Variants in DOK7 observed in about 807,000 individuals in gnomAD.
DOK7 encodes the protein protein Dok-7.
DOK7 carries 32 observed loss-of-function variants against 30.7 expected under a neutral mutation model. The ratio of observed to expected loss-of-function variants is 1.04; its 90% CI spans 0.79 to 1.40. The LOEUF is 1.40. Ranked by LOEUF, DOK7 falls within the 40% of genes most tolerant of loss-of-function variation. DOK7 has a pLI of 0.00. For synonymous variants in DOK7, 447 were observed against 324.1 expected, an observed-to-expected ratio of 1.38 and a Z score of -4.07; for missense variants, 1,007 against 699.2, an observed-to-expected ratio of 1.44 and a Z score of -4.97.
At chr4:3,486,505 A>G (rs944743459) in intron 5 of DOK7, among the ~76,000 whole-genome samples, 1 of 152,134 alleles carries the variant, frequency 6.6e-6, no homozygotes, top group Non-Finnish European at 1.5e-5. Context: ...GGCGAGCAGC[A>G]TGTGGGGTGG....
intron 2 of DOK7, among the ~76,000 whole-genome samples, chr4:3,465,548 G>C (rs1341060247): frequency 6.6e-6 from 1 of 152,234 alleles, no homozygotes; most frequent in African/African-American, 2.4e-5. Flanking sequence ...CTTCTGGGAA[G>C]GGCCCCGATG....
At chr4:3,476,685 C>G in intron 4 of DOK7, 143 bp downstream of exon 4, 1 of 1,095,294 alleles carries the variant, frequency 9.1e-7, no homozygotes, top group South Asian at 1.3e-5. Context: ...ACGGAGTCTC[C>G]CCACGCTCGA....
intron 4 of DOK7, among the ~76,000 whole-genome samples, chr4:3,477,504 C>T (rs1296969100): frequency 6.6e-6 from 1 of 152,276 alleles, no homozygotes; most frequent in Non-Finnish European, 1.5e-5. Context: ...GCAAGCCCAT[C>T]TGGGTGCCAC....
downstream of DOK7, among the ~76,000 whole-genome samples, chr4:3,497,461 G>C (rs911619104): frequency 1.3e-5 from 2 of 152,132 alleles, no homozygotes; most frequent in African/African-American, 4.8e-5. Context: ...GGTCTCCCTA[G>C]AGAAGCCTGG....
chr4:3,489,946 A>G (rs994035552), intron 6 of DOK7, 150 bp downstream of exon 6: 40 of 1,207,362 alleles, frequency 3.3e-5, no homozygotes, highest in Non-Finnish European at 4.3e-5. Flanking sequence ...TCTTCCCCCA[A>G]CTCCCCGCCC....
downstream of DOK7, among the ~76,000 whole-genome samples, chr4:3,495,147 C>T (rs1022663282): frequency 6.6e-6 from 1 of 152,200 alleles, no homozygotes; most frequent in East Asian, 1.9e-4. Flanking sequence ...AACGGGATGA[C>T]AGACCCCGCC....
rs1452677992 is a variant in DOK7 at position 3,493,391 on chromosome 4, C to A, written c.1405C>A (p.Pro469Thr). 2 of 1,595,172 alleles carry A rather than the reference C, an allele frequency of 1.3e-6. No homozygotes were observed. Among genetic ancestry groups the A allele is most frequent in the Non-Finnish European group, 8.5e-7 (1 of 1,171,384 alleles). The part of the protein sequence containing the change: ...PQGSEATLPG[P>T]APGEPWEAGG... ...GGGCAGCGAGGCCACACTGCCTGGC[C>A]CTGCCCCTGGCGAGCCCTGGGAAGC... is the stretch of plus-strand genomic sequence containing the variant. The change falls in exon 7 of 7, where the codon CCT becomes ACT. Residue 469 changes from proline (P) to threonine (T), a missense_variant. Physicochemically the swap from Pro to Thr is conservative, Grantham distance 38. Transcript: ENST00000340083.
Position 3,494,472 on chromosome 4 carries a change from T to C in DOK7, c.*971T>C. Reference sequence around the variant, plus strand: ...TTTGTAATAGACTGGAAATAAAATGTTCTTTCCTTACCACCTTGTCCTAGT... The same window carrying C: ...TTTGTAATAGACTGGAAATAAAATGCTCTTTCCTTACCACCTTGTCCTAGT... On this transcript the variant is annotated 3_prime_UTR_variant, in exon 7 of 7. Coordinates refer to ENST00000340083, the MANE Select transcript of DOK7 (RefSeq NM_173660.5). The C allele has an allele frequency of 4.1e-6, 4 of 985,482 alleles. No homozygotes were observed. Among genetic ancestry groups the C allele is most frequent in the Non-Finnish European group, 3.6e-6 (3 of 829,912 alleles). The allele number at this position is 985,482 out of a possible 1,614,324, so 61.0% of individuals were successfully genotyped here.
chr4:3,468,442 G>A (rs1174991717), intron 2 of DOK7, among the ~76,000 whole-genome samples: 3 of 135,810 alleles, frequency 2.2e-5, no homozygotes, highest in Admixed American at 7.2e-5. Context: ...GTACATGTAC[G>A]AGTGTGTGCC....
At chr4:3,489,845 G>C (rs764724420) in intron 6 of DOK7, 49 bp downstream of exon 6, 49 of 1,553,496 alleles carry the variant, frequency 3.2e-5, no homozygotes, top group Non-Finnish European at 4.2e-5. Flanking sequence ...TAAGCCTCCA[G>C]CAGGAGAGCT....
chr4:3,482,578 GC>G (rs538729343), intron 4 of DOK7, among the ~76,000 whole-genome samples: 1 of 152,276 alleles, frequency 6.6e-6, no homozygotes, highest in Non-Finnish European at 1.5e-5. Flanking sequence ...GAGTGGACCA[GC>G]CTCTGGAGAA....
chr4:3,480,926 A>T (rs1180036763), intron 4 of DOK7, among the ~76,000 whole-genome samples: 1 of 152,164 alleles, frequency 6.6e-6, no homozygotes, highest in Non-Finnish European at 1.5e-5. Flanking sequence ...GGCTGGGGGC[A>T]CTGCGGGGAA....
chr4:3,492,732 C>T (rs1460439598), intron 6 of DOK7, 27 bp from the exon 7 acceptor site: 3 of 1,611,000 alleles, frequency 1.9e-6, no homozygotes, highest in African/African-American at 2.7e-5. Context: ...ACCCCCACAA[C>T]TGCCTTGGCT....
At chr4:3,475,391 T>G (rs1577151019) in intron 3 of DOK7, among the ~76,000 whole-genome samples, 1 of 150,024 alleles carries the variant, frequency 6.7e-6, no homozygotes, top group African/African-American at 2.5e-5. Flanking sequence ...AAGGGGGAGG[T>G]GGGATGGGAA....
At chr4:3,489,235 G>A (rs920878499) in intron 5 of DOK7, among the ~76,000 whole-genome samples, 9 of 152,132 alleles carry the variant, frequency 5.9e-5, no homozygotes, top group African/African-American at 1.9e-4. Flanking sequence ...CAAGGTGGGC[G>A]GGCATTTCCC....
exon 7 of DOK7, chr4:3,500,385 G>A: frequency 2.0e-6 from 3 of 1,535,926 alleles, no homozygotes; most frequent in Non-Finnish European, 2.6e-6. Context: ...GCTCCAGGAG[G>A]CCAGCGAGGG....
In DOK7 at chr4:3,476,434, A is replaced by T. The variant is rs1727092757; in HGVS notation, c.424A>T (p.Arg142Trp). The change falls in exon 4 of 7, where the codon AGG becomes TGG. Residue 142 changes from arginine to tryptophan, a missense_variant. Coordinates refer to ENST00000340083, the MANE Select transcript of DOK7 (RefSeq NM_173660.5). The stretch of plus-strand genomic sequence containing the variant: ...CTGCAATGATGTCCTCGTCTTGGCC[A>T]GGGACATCCCCCCGGCTGTCACGGG... ...HLCNDVLVLA[R>W]DIPPAVTGQW... 6.2e-7 allele frequency: 1 copy of T among 1,613,446 alleles called. No individual in the cohort carries two copies.
At chr4:3,489,327 A>G (rs1003498113) in intron 5 of DOK7, among the ~76,000 whole-genome samples, 2 of 151,820 alleles carry the variant, frequency 1.3e-5, no homozygotes, top group Non-Finnish European at 2.9e-5. Flanking sequence ...GGCCCTGGGG[A>G]TGGGGGAGGG....
Position 3,493,920 on chromosome 4 carries a change from TG to T in DOK7, c.*423del. On this transcript the variant is annotated 3_prime_UTR_variant, in exon 7 of 7. Coordinates refer to ENST00000340083, the MANE Select transcript of DOK7 (RefSeq NM_173660.5). The stretch of plus-strand genomic sequence containing the variant: ...TGGCCGGTTCTCCCCATCACCTCTC[TG>T]GGGCAGTCACACCACCTGTTAAGCA... 9.7e-7 allele frequency: 1 copy of T among 1,033,926 alleles called. No individual in the cohort carries two copies. Among genetic ancestry groups the T allele is most frequent in the Non-Finnish European group, 1.2e-6 (1 of 862,374 alleles). The allele number at this position is 1,033,926 out of a possible 1,614,324, so 64.0% of individuals were successfully genotyped here. A position where few individuals can be genotyped will look rare whatever the true frequency, so the allele number is the denominator to read the frequency against.
Sources: gnomAD v4.1 joint callset for allele counts (sites outside exome capture counted in the v4.1 genomes callset) on GRCh38, gnomAD v4.1.1 for gene constraint, MANE v1.5 for transcripts, NCBI Gene and HGNC (gene_info 2026-07-23, HGNC 2026-07-21) for gene names.